GALK2: variants seen among roughly 807,000 people sequenced by gnomAD.
GALK2 encodes the protein galactokinase 2, also known as N-acetylgalactosamine kinase.
GALK2 carries 36 observed loss-of-function variants against 52.4 expected under a neutral mutation model. That is an observed-to-expected ratio of 0.69 (90% CI 0.53 to 0.91). The LOEUF (loss-of-function observed/expected upper bound fraction) is 0.91. GALK2 is among the 40% of genes least tolerant of loss of function. The probability of loss-of-function intolerance (pLI) is 0.00; values close to 1 mark genes in which losing one functional copy is unlikely to be tolerated. For synonymous variants in GALK2, 176 were observed against 199.1 expected (o/e 0.88, Z 0.98); for missense variants, 579 against 559.1 (o/e 1.04, Z -0.36).
intron 1 of GALK2, among the ~76,000 whole-genome samples, chr15:49,180,079 A>G (rs1311062445): frequency 1.3e-5 from 2 of 152,202 alleles, no homozygotes; most frequent in African/African-American, 2.4e-5. Context: ...GTTATAAGCC[A>G]TGAACAGACT....
chr15:49,354,324 A>C (rs2042713762), intron 3 of GALK2, among the ~76,000 whole-genome samples: 2 of 152,168 alleles, frequency 1.3e-5, no homozygotes, highest in South Asian at 4.1e-4. Flanking sequence ...CTGCATTTCC[A>C]TCTGAGGTAC....
chr15:49,343,461 A>G (rs1056235820), intron 3 of GALK2: 1 of 152,126 alleles, frequency 6.6e-6, no homozygotes, highest in Non-Finnish European at 1.5e-5. Flanking sequence ...AACACACTCT[A>G]GTGCCTGTGT....
intron 3 of GALK2, among the ~76,000 whole-genome samples, chr15:49,341,485 A>G (rs1395349328): frequency 1.3e-5 from 2 of 152,106 alleles, no homozygotes; most frequent in African/African-American, 4.8e-5. Context: ...GGTTAGATGT[A>G]CCTGTGATTA....
chr15:49,305,360 C>G (rs1327177052), intron 8 of GALK2, among the ~76,000 whole-genome samples: 5 of 152,150 alleles, frequency 3.3e-5, no homozygotes. Flanking sequence ...GGCCACCACT[C>G]TATATTCAGG....
Position 49,328,870 on chromosome 15 carries a change from A to ATTCTT in GALK2, c.*714_*718dup. On this transcript the variant is annotated 3_prime_UTR_variant, in exon 10 of 10. Coordinates refer to ENST00000560031, the MANE Select transcript of GALK2 (RefSeq NM_002044.4). Reference sequence around the variant, plus strand: ...TGTAATATATAAATAACCACTTTCAATTCTTTTGGCCCTGAGCTATCTCCA... The same window carrying ATTCTT: ...TGTAATATATAAATAACCACTTTCAATTCTTTTCTTTTGGCCCTGAGCTATCTCCA... 7.5e-7 allele frequency: 1 copy of ATTCTT among 1,336,164 alleles called. No individual in the cohort carries two copies. The highest frequency in any genetic ancestry group is 2.6e-5 in the East Asian group (1 of 38,036). The allele number at this position is 1,336,164 out of a possible 1,614,324, so 82.8% of individuals were successfully genotyped here.
Position 49,170,278 on chromosome 15 carries a change from G to T in GALK2, c.-45G>T. 6.4e-7 allele frequency: 1 copy of T among 1,559,082 alleles called. No individual in the cohort carries two copies. ...GTCTCGTGATTGCTCTGGGAGCTTT[G>T]CTTAGACACTTGAAACTACAGGAGA... On this transcript the variant is annotated 5_prime_UTR_variant, in exon 1 of 10. Transcript: ENST00000560031.
At chr15:49,289,151 G>A (rs1359246776) in intron 7 of GALK2, among the ~76,000 whole-genome samples, 1 of 152,132 alleles carries the variant, frequency 6.6e-6, no homozygotes, top group Non-Finnish European at 1.5e-5. Context: ...TGTCTTTTCT[G>A]GTGGGCTGTG....
Position 49,327,964 on chromosome 15 carries a change from T to G in GALK2, c.1182T>G (p.Ala394=). The G allele has an allele frequency of 1.2e-6, 2 of 1,612,068 alleles. No homozygotes were observed. Among genetic ancestry groups the G allele is most frequent in the Non-Finnish European group, 1.7e-6 (2 of 1,178,680 alleles). Residue 394 remains alanine (A), a synonymous_variant, in exon 10 of 10, where the codon GCT becomes GCG. Coordinates refer to ENST00000560031, the MANE Select transcript of GALK2 (RefSeq NM_002044.4). Reference sequence around the variant, plus strand: ...CTCACTGTTTTAGGAAGTTTGGGGCTCAAGGGTCACGACTTACTGGAGCAG... The same window carrying G: ...CTCACTGTTTTAGGAAGTTTGGGGCGCAAGGGTCACGACTTACTGGAGCAG... ...QLVDICRKFG[A]QGSRLTGAGW...
chr15:49,255,445 A>G (rs1241244553), intron 5 of GALK2, among the ~76,000 whole-genome samples: 1 of 142,170 alleles, frequency 7.0e-6, no homozygotes, highest in Non-Finnish European at 1.6e-5. Flanking sequence ...CTTTTATGAC[A>G]CTGACAATTT....
Position 49,275,619 on chromosome 15 carries a change from C to T in GALK2, c.505-6368C>T, listed in dbSNP as rs1031528369. Among the ~76,000 whole-genome samples, 8 of 152,278 alleles carry T rather than the reference C, an allele frequency of 5.3e-5. No homozygotes were observed. In the East Asian group the frequency reaches 5.8e-4, roughly 11 times the overall value. On this transcript the variant is annotated intron_variant, in intron 5 of 9. Transcript: ENST00000560031. ...CCATAGGCATGGTTAACTAACTCAG[C>T]GAAACATTCCTTCCAGTGTAATTCA... is the stretch of plus-strand genomic sequence containing the variant.
At chr15:49,320,954 C>T (rs930617319) in intron 9 of GALK2, among the ~76,000 whole-genome samples, 5 of 152,162 alleles carry the variant, frequency 3.3e-5, no homozygotes, top group African/African-American at 9.7e-5. Flanking sequence ...TGAAAAGCTG[C>T]GGAAGGGCAT....
intron 1 of GALK2, among the ~76,000 whole-genome samples, chr15:49,173,635 A>G (rs1352523634): frequency 6.6e-6 from 1 of 152,182 alleles, no homozygotes; most frequent in African/African-American, 2.4e-5. Context: ...AAAATGATAT[A>G]TTCACATAAG....
At chr15:49,186,586 C>G (rs1272373770) in intron 1 of GALK2, among the ~76,000 whole-genome samples, 2 of 143,646 alleles carry the variant, frequency 1.4e-5, no homozygotes, top group Non-Finnish European at 3.0e-5. Context: ...TGTCGTCAGG[C>G]TGGAGTGCAG....
Position 49,328,664 on chromosome 15 carries a change from A to G in GALK2, c.*505A>G. 6.4e-7 allele frequency: 1 copy of G among 1,564,042 alleles called. No individual in the cohort carries two copies. Among genetic ancestry groups the G allele is most frequent in the Non-Finnish European group, 8.7e-7 (1 of 1,151,712 alleles). On this transcript the variant is annotated 3_prime_UTR_variant, in exon 10 of 10. Coordinates refer to ENST00000560031, the MANE Select transcript of GALK2 (RefSeq NM_002044.4). Reference sequence around the variant, plus strand: ...ATGCCACACATTCTCTCTCAATTTCAGCTTCGGAACGCTATGAAAATAATA... The same window carrying G: ...ATGCCACACATTCTCTCTCAATTTCGGCTTCGGAACGCTATGAAAATAATA...
rs146814755 is a variant in GALK2 at position 49,254,398 on chromosome 15, C to A, written c.504+15031C>A. Among the ~76,000 whole-genome samples, 808 of 144,422 alleles carry A rather than the reference C, an allele frequency of 5.6e-3. 72 individuals are homozygous for A. Among genetic ancestry groups the A allele is most frequent in the African/African-American group, 0.019 (759 of 40,446 alleles). The allele number at this position is 144,422 out of a possible 152,430, so 94.7% of individuals were successfully genotyped here. Reference sequence around the variant, plus strand: ...GCATTCAGAGATTATCTGATTATTTCTTCTTCTGATAAAATTATGTTATTG... The same window carrying A: ...GCATTCAGAGATTATCTGATTATTTATTCTTCTGATAAAATTATGTTATTG... On this transcript the variant is annotated intron_variant, in intron 5 of 9. Transcript: ENST00000560031.
intron 1 of GALK2, among the ~76,000 whole-genome samples, chr15:49,160,829 G>A (rs887791162): frequency 6.6e-6 from 1 of 151,632 alleles, no homozygotes; most frequent in Non-Finnish European, 1.5e-5. Flanking sequence ...AGCTGAGATC[G>A]TGCCACTGCA....
At chr15:49,283,323 G>A (rs1411568243) in intron 6 of GALK2, among the ~76,000 whole-genome samples, 3 of 152,142 alleles carry the variant, frequency 2.0e-5, no homozygotes, top group Non-Finnish European at 4.4e-5. Flanking sequence ...AACTTGGAAA[G>A]GTATTTGTCT....
intron 1 of GALK2, among the ~76,000 whole-genome samples, chr15:49,178,074 C>T (rs1401327770): frequency 2.7e-5 from 4 of 147,182 alleles, no homozygotes; most frequent in East Asian, 2.0e-4. Context: ...GAGGCTGAGG[C>T]ATGAGAATTA....
At chr15:49,202,753 T>C (rs1210103893) in intron 2 of GALK2, among the ~76,000 whole-genome samples, 1 of 152,188 alleles carries the variant, frequency 6.6e-6, no homozygotes, top group African/African-American at 2.4e-5. Context: ...GTGGTTCTAT[T>C]TTTAGTTTTT....
Sources: allele counts gnomAD v4.1 joint callset (sites outside exome capture counted in the v4.1 genomes callset), GRCh38; gene constraint gnomAD v4.1.1; transcripts MANE v1.5; gene names NCBI Gene and HGNC (gene_info 2026-07-23, HGNC 2026-07-21).